Variants in GLG1 observed in about 807,000 individuals in gnomAD.
GLG1 encodes golgi glycoprotein 1, also known as Golgi apparatus protein 1.
Under a neutral mutation model 160.5 loss-of-function variants are expected in GLG1, and 38 were observed. That is an observed-to-expected ratio of 0.24 (90% CI 0.18 to 0.31). The LOEUF is 0.31. Among genes scored for constraint, GLG1 ranks in the 10% least tolerant of loss-of-function variants. The pLI, the probability that GLG1 is intolerant of heterozygous loss-of-function variation, is 1.00. For missense variants in GLG1, 1,373 were observed against 1,505.2 expected (o/e 0.91, Z 1.45); for synonymous variants, 644 against 543.4 (o/e 1.19, Z -2.57).
intron 1 of GLG1, among the ~76,000 whole-genome samples, chr16:74,555,687 C>A (rs1218629814): frequency 6.6e-6 from 1 of 151,846 alleles, no homozygotes; most frequent in Non-Finnish European, 1.5e-5. Flanking sequence ...AGATCCCTGT[C>A]TCTAAAGAAA....
intron 17 of GLG1, chr16:74,468,433 G>A (rs540524576): frequency 1.4e-4 from 21 of 155,074 alleles, no homozygotes; most frequent in African/African-American, 2.9e-4. Context: ...ATGGGGTGTC[G>A]CCATGTTGGC....
intron 1 of GLG1, among the ~76,000 whole-genome samples, chr16:74,533,327 C>CA (rs1356301798): frequency 6.6e-6 from 1 of 151,544 alleles, no homozygotes; most frequent in South Asian, 2.1e-4. Context: ...TCTCAAAAAA[C>CA]AAAAAACAAA....
intron 2 of GLG1, among the ~76,000 whole-genome samples, chr16:74,529,700 C>G (rs1162274077): frequency 6.6e-6 from 1 of 151,658 alleles, no homozygotes; most frequent in Non-Finnish European, 1.5e-5. Flanking sequence ...TCTAAAGAGT[C>G]CTGACTGCTT....
intron 1 of GLG1, among the ~76,000 whole-genome samples, chr16:74,534,010 G>A (rs1049609966): frequency 5.3e-5 from 8 of 151,934 alleles, no homozygotes; most frequent in African/African-American, 1.9e-4. Context: ...GTTTCCCTAT[G>A]GAATTATTAA....
intron 10 of GLG1, among the ~76,000 whole-genome samples, chr16:74,481,917 C>T (rs949798056): frequency 5.3e-5 from 8 of 152,272 alleles, no homozygotes; most frequent in African/African-American, 1.9e-4. Context: ...TCCCGAGTAG[C>T]TGGGACTACA....
At chr16:74,524,083 G>T (rs1331463046) in intron 2 of GLG1, among the ~76,000 whole-genome samples, 1 of 152,048 alleles carries the variant, frequency 6.6e-6, no homozygotes, top group Non-Finnish European at 1.5e-5. Flanking sequence ...TGTGGTATGT[G>T]CCTGTAATCC....
At chr16:74,496,749 A>ACAC in intron 4 of GLG1, 105 bp from the exon 5 acceptor site, 3 of 480,196 alleles carry the variant, frequency 6.2e-6, no homozygotes, top group Admixed American at 7.4e-5. Flanking sequence ...CACACACACA[A>ACAC]AGTAATAAAA....
At chr16:74,514,884 C>G (rs969045956) in intron 2 of GLG1, among the ~76,000 whole-genome samples, 1 of 151,884 alleles carries the variant, frequency 6.6e-6, no homozygotes, top group African/African-American at 2.4e-5. Context: ...ATGCTGTATT[C>G]AGGAGACGCA....
At chr16:74,541,554 A>C (rs959771992) in intron 1 of GLG1, among the ~76,000 whole-genome samples, 8 of 152,124 alleles carry the variant, frequency 5.3e-5, no homozygotes, top group African/African-American at 1.9e-4. Flanking sequence ...AAAAGAGGTA[A>C]ATCCTGCTTT....
chr16:74,542,735 GAGGAAGGAAGGAAGGAAGGAAGGA>G (rs1193967031), intron 1 of GLG1, among the ~76,000 whole-genome samples: 22 of 28,660 alleles, frequency 7.7e-4, no homozygotes, highest in African/African-American at 2.2e-3. Flanking sequence ...GGAAGGAAGG[GAGGAAGGAAGGAAGGAAGGAAGGA>G]AGGAAGGAAG....
intron 2 of GLG1, among the ~76,000 whole-genome samples, chr16:74,524,853 GC>G (rs1239757649): frequency 2.0e-5 from 3 of 152,106 alleles, no homozygotes; most frequent in Non-Finnish European, 2.9e-5. Flanking sequence ...GTATCTATTA[GC>G]AGTCACCTAC....
chr16:74,552,555 G>C, intron 1 of GLG1: 1 of 302,612 alleles, frequency 3.3e-6, no homozygotes, highest in South Asian at 3.1e-5. Flanking sequence ...TCCAGAGACT[G>C]GCAGGCTTTG....
intron 2 of GLG1, among the ~76,000 whole-genome samples, chr16:74,529,029 C>T (rs775897872): frequency 6.7e-6 from 1 of 148,448 alleles, no homozygotes; most frequent in South Asian, 2.1e-4. Flanking sequence ...TGCAGTGGTA[C>T]GATAGTGGTT....
chr16:74,495,639 G>A (rs188424328), intron 5 of GLG1, among the ~76,000 whole-genome samples: 37 of 152,256 alleles, frequency 2.4e-4, no homozygotes, highest in African/African-American at 8.7e-4. Flanking sequence ...TTAAAGATTA[G>A]CCACCTGCTG....
intron 9 of GLG1, among the ~76,000 whole-genome samples, chr16:74,485,417 A>G (rs956398133): frequency 6.6e-6 from 1 of 152,232 alleles, no homozygotes; most frequent in African/African-American, 2.4e-5. Context: ...CAATGTATAC[A>G]ATGAGTCAAT....
chr16:74,547,819 T>G (rs979796363), intron 1 of GLG1, among the ~76,000 whole-genome samples: 20 of 152,268 alleles, frequency 1.3e-4, no homozygotes, highest in African/African-American at 3.9e-4. Context: ...TCATTTCCAC[T>G]GTCTCTGATA....
intron 9 of GLG1, among the ~76,000 whole-genome samples, chr16:74,484,926 T>C (rs1201372300): frequency 1.3e-5 from 2 of 151,588 alleles, no homozygotes; most frequent in Non-Finnish European, 2.9e-5. Context: ...CTTGGTTTGG[T>C]TTTTTGAGAC....
intron 18 of GLG1, among the ~76,000 whole-genome samples, chr16:74,467,450 A>C (rs2015040912): frequency 6.6e-6 from 1 of 152,216 alleles, no homozygotes; most frequent in African/African-American, 2.4e-5. Context: ...AGCATTGAGA[A>C]TGCTACAGAG....
intron 3 of GLG1, among the ~76,000 whole-genome samples, chr16:74,504,369 C>A (rs1478779301): frequency 6.6e-6 from 1 of 152,154 alleles, no homozygotes; most frequent in Non-Finnish European, 1.5e-5. Context: ...CTCACTGAAA[C>A]CCCTGGCACC....
Sources: gnomAD v4.1 joint callset for allele counts (sites outside exome capture counted in the v4.1 genomes callset) on GRCh38, gnomAD v4.1.1 for gene constraint, MANE v1.5 for transcripts, NCBI Gene and HGNC (gene_info 2026-07-23, HGNC 2026-07-21) for gene names.